The following UPRT variants were observed in gnomAD, a reference collection of about 807,000 sequenced individuals.
UPRT encodes the protein RP11-311P8.3.
A neutral mutation model predicts 22.6 loss-of-function variants in UPRT; 5 were observed. The observed-to-expected ratio is 0.22, with a 90% CI of 0.12 to 0.47. UPRT has a LOEUF of 0.47. Among genes scored for constraint, UPRT ranks in the 20% least tolerant of loss-of-function variants. The pLI is 0.99. For missense variants in UPRT, 181 were observed against 239.9 expected, an observed-to-expected ratio of 0.75 and a Z score of 1.62; for synonymous variants, 77 against 87.7, an observed-to-expected ratio of 0.88 and a Z score of 0.68.
chrX:75,159,481 G>A (rs1245068273), intron 1 of UPRT, among the ~76,000 whole-genome samples: 1 of 111,804 alleles, frequency 8.9e-6, no homozygotes, highest in South Asian at 3.7e-4. Context: ...AATATGTACA[G>A]CTATTACATA....
At chrX:75,232,768 C>T (rs1200058678) in intron 4 of UPRT, among the ~76,000 whole-genome samples, 1 of 111,884 alleles carries the variant, frequency 8.9e-6, no homozygotes. Context: ...AGGAAATCCA[C>T]ACCAAAAACC....
intron 4 of UPRT, among the ~76,000 whole-genome samples, chrX:75,169,282 T>G (rs2082220561): frequency 8.9e-6 from 1 of 112,231 alleles, no homozygotes; most frequent in African/African-American, 3.2e-5. Context: ...TCTTTTCCTC[T>G]GGGTAGATAC....
At chrX:75,160,361 T>C (rs2082195359) in intron 1 of UPRT, among the ~76,000 whole-genome samples, 1 of 111,567 alleles carries the variant, frequency 9.0e-6, no homozygotes, top group Non-Finnish European at 1.9e-5. Flanking sequence ...GTAGTGTCTC[T>C]TACATGTTGT....
intron 4 of UPRT, among the ~76,000 whole-genome samples, chrX:75,222,357 T>C (rs1307956842): frequency 2.7e-5 from 3 of 111,415 alleles, no homozygotes; most frequent in Admixed American, 9.5e-5. Flanking sequence ...CTATGTATGC[T>C]CAAGGCTCTA....
intron 4 of UPRT, among the ~76,000 whole-genome samples, chrX:75,189,954 A>T (rs994992344): frequency 8.9e-6 from 1 of 111,881 alleles, no homozygotes; most frequent in Non-Finnish European, 1.9e-5. Context: ...GCTTCTTTCA[A>T]TTGAAGCATT....
chrX:75,251,043 G>T (rs1432927073), intron 4 of UPRT, among the ~76,000 whole-genome samples: 1 of 111,508 alleles, frequency 9.0e-6, no homozygotes, highest in Non-Finnish European at 1.9e-5. Context: ...AATAAATTAG[G>T]TATTGATGGG....
chrX:75,190,740 G>A (rs1167750934), intron 4 of UPRT, among the ~76,000 whole-genome samples: 10 of 111,170 alleles, frequency 9.0e-5, no homozygotes, highest in Admixed American at 5.8e-4. Flanking sequence ...ATCTTCCATC[G>A]CTGATACCCT....
intron 2 of UPRT, chrX:75,294,585 A>T: frequency 1.0e-6 from 1 of 987,565 alleles, no homozygotes; most frequent in Non-Finnish European, 1.3e-6. Context: ...GATTTATTCC[A>T]AAAGAGCATA....
intron 4 of UPRT, among the ~76,000 whole-genome samples, chrX:75,220,440 A>G (rs2082406127): frequency 1.8e-5 from 2 of 110,942 alleles, no homozygotes; most frequent in African/African-American, 3.3e-5. Context: ...TACTCTTGCC[A>G]TTTATTTATT....
At position 75,289,311 on chromosome X, in the gene UPRT, A is replaced by G. The variant is rs761616269; in HGVS notation, c.387-4161A>G. 2.7e-5 allele frequency among the ~76,000 whole-genome samples: 3 copies of G among 112,162 alleles called. No homozygotes were observed. In the South Asian group the frequency reaches 1.1e-3, roughly 42 times the overall value. On this transcript the variant is annotated intron_variant, in intron 1 of 6. Coordinates refer to ENST00000373383, the MANE Select transcript of UPRT (RefSeq NM_145052.4). ...ACACAGCTAAAAGAAATAATAAATG[A>G]CACAGTAGAAAAACATTTCATGTGC...
At chrX:75,263,129 T>G (rs908067815) in intron 4 of UPRT, among the ~76,000 whole-genome samples, 4 of 111,398 alleles carry the variant, frequency 3.6e-5, no homozygotes, top group African/African-American at 1.3e-4. Context: ...TGCAATCAAA[T>G]TAGAACTCAG....
chrX:75,303,115 C>T (rs756020771), intron 6 of UPRT, among the ~76,000 whole-genome samples: 3 of 111,378 alleles, frequency 2.7e-5, no homozygotes, highest in Non-Finnish European at 5.7e-5. Flanking sequence ...ATAAAAAATA[C>T]TCTTTAGGGG....
intron 4 of UPRT, among the ~76,000 whole-genome samples, chrX:75,240,887 T>C (rs915357915): frequency 1.8e-5 from 2 of 111,462 alleles, no homozygotes; most frequent in Non-Finnish European, 3.8e-5. Context: ...ACTAGAAGAA[T>C]GAAACTGAAT....
intron 3 of UPRT, among the ~76,000 whole-genome samples, chrX:75,163,276 G>A (rs191846293): frequency 8.9e-6 from 1 of 111,783 alleles, no homozygotes; most frequent in Non-Finnish European, 1.9e-5. Flanking sequence ...GAATCTCTTT[G>A]GTTTTGAACC....
In UPRT at chrX:75,291,880, C is replaced by G. The variant is rs368433640; in HGVS notation, c.387-1592C>G. ...TACCTTTTTTGGAATATAGAGAAAG[C>G]AGGTGCTTATTGTGCAAAAGTTATC... On this transcript the variant is annotated intron_variant, in intron 1 of 6. Coordinates refer to ENST00000373383, the MANE Select transcript of UPRT (RefSeq NM_145052.4). Among the ~76,000 whole-genome samples, 287 of 111,002 alleles carry G rather than the reference C, an allele frequency of 2.6e-3. 1 individual carries two copies. The highest frequency in any genetic ancestry group is 8.8e-3 in the African/African-American group (269 of 30,625).
intron 2 of UPRT, chrX:75,294,718 A>G: frequency 3.9e-6 from 2 of 517,246 alleles, no homozygotes; most frequent in Admixed American, 5.7e-5. Flanking sequence ...AATGTGGTTG[A>G]CATTCCTGGA....
At chrX:75,162,893 G>A (rs973613809) in intron 2 of UPRT, among the ~76,000 whole-genome samples, 2 of 111,633 alleles carry the variant, frequency 1.8e-5, no homozygotes, top group African/African-American at 6.5e-5. Context: ...GTATGATGTC[G>A]TGTTGATTTC....
chrX:75,209,545 G>A lies in UPRT; in HGVS notation c.-447+41666G>A, dbSNP rs755446251. ...CCGCCACCATGCCCAGCTAATTTTT[G>A]TATTTTTATTAGAGACGGGGTTTCA... On this transcript the variant is annotated intron_variant, in intron 4 of 13. Coordinates refer to the UPRT transcript ENST00000652605. Among the ~76,000 whole-genome samples, 34 of 111,791 alleles carry A rather than the reference G, an allele frequency of 3.0e-4. 1 individual carries two copies. The highest frequency in any genetic ancestry group is 6.0e-4 in the Non-Finnish European group (32 of 53,119).
chrX:75,186,224 T>C (rs771058904), intron 4 of UPRT, among the ~76,000 whole-genome samples: 2 of 111,640 alleles, frequency 1.8e-5, no homozygotes, highest in East Asian at 5.6e-4. Flanking sequence ...ATGGTGTGTG[T>C]TTGTTCTCGT....
Sources: allele counts gnomAD v4.1 joint callset (sites outside exome capture counted in the v4.1 genomes callset), GRCh38; gene constraint gnomAD v4.1.1; transcripts MANE v1.5; gene names NCBI Gene and HGNC (gene_info 2026-07-23, HGNC 2026-07-21).